TRIM67: variants seen among roughly 807,000 people sequenced by gnomAD.
The protein encoded by TRIM67 is tripartite motif containing 67.
TRIM67 carries 39 observed loss-of-function variants against 71.0 expected under a neutral mutation model. That is an observed-to-expected ratio of 0.55 (90% CI 0.43 to 0.72). The LOEUF is 0.72. Among genes scored for constraint, TRIM67 ranks in the 30% least tolerant of loss-of-function variants. The pLI is 0.00. For missense variants in TRIM67, 973 were observed against 1,079.2 expected, an observed-to-expected ratio of 0.90 and a Z score of 1.38; for synonymous variants, 481 against 473.9, an observed-to-expected ratio of 1.01 and a Z score of -0.19.
intron 7 of TRIM67, among the ~76,000 whole-genome samples, chr1:231,207,632 T>C (rs934983884): frequency 6.6e-6 from 1 of 152,138 alleles, no homozygotes; most frequent in Non-Finnish European, 1.5e-5. Flanking sequence ...AGCTGGATGG[T>C]CTCCTAGAGG....
chr1:231,210,683 A>G (rs953069364), intron 8 of TRIM67, among the ~76,000 whole-genome samples: 2 of 151,826 alleles, frequency 1.3e-5, no homozygotes, highest in African/African-American at 2.4e-5. Context: ...GAAGCACTCG[A>G]TGTATCTGAG....
chr1:231,199,894 T>C (rs1182093345), intron 3 of TRIM67, among the ~76,000 whole-genome samples: 1 of 152,240 alleles, frequency 6.6e-6, no homozygotes, highest in Non-Finnish European at 1.5e-5. Flanking sequence ...TTTCTCTGCA[T>C]GACTATCATG....
intron 5 of TRIM67, among the ~76,000 whole-genome samples, chr1:231,203,126 C>T (rs1201874312): frequency 4.0e-5 from 6 of 151,882 alleles, no homozygotes; most frequent in African/African-American, 1.5e-4. Flanking sequence ...TTTAACAAAA[C>T]CAGTGTTTCA....
intron 1 of TRIM67, chr1:231,184,261 G>T (rs765440380): frequency 6.6e-6 from 1 of 150,808 alleles, no homozygotes; most frequent in Non-Finnish European, 1.5e-5. Flanking sequence ...GCATCTGAGG[G>T]ATGCAAGCTT....
chr1:231,201,574 C>T (rs1683524896), intron 5 of TRIM67, 57 bp downstream of exon 5: 1 of 1,574,128 alleles, frequency 6.4e-7, no homozygotes, highest in East Asian at 2.3e-5. Flanking sequence ...GGCATGCAGT[C>T]TGAGGGGCCA....
rs774064554 is a variant in TRIM67, at chr1:231,208,930, A to G, written c.1820-17A>G. Reference sequence around the variant, plus strand: ...TCCATCCCCTGACCCTGCTCCTCTCACCTCCTCCCTTTTTAGTGGCCTGGT... The same window carrying G: ...TCCATCCCCTGACCCTGCTCCTCTCGCCTCCTCCCTTTTTAGTGGCCTGGT... On this transcript the variant is annotated splice_polypyrimidine_tract_variant and intron_variant, in intron 7 of 9. Coordinates refer to ENST00000366653, the MANE Select transcript of TRIM67 (RefSeq NM_001004342.5). The G allele has an allele frequency of 8.4e-6, 13 of 1,555,808 alleles. 1 individual carries two copies. In the South Asian group the frequency reaches 1.3e-4, roughly 16 times the overall value.
intron 1 of TRIM67, among the ~76,000 whole-genome samples, chr1:231,186,649 G>A (rs1316488477): frequency 6.6e-6 from 1 of 151,998 alleles, no homozygotes; most frequent in African/African-American, 2.4e-5. Context: ...GCTGGATTAG[G>A]GCCCACCCTA....
chr1:231,198,974 G>C, intron 2 of TRIM67, 73 bp from the exon 3 acceptor site: 3 of 1,607,308 alleles, frequency 1.9e-6, no homozygotes, highest in Non-Finnish European at 2.6e-6. Flanking sequence ...TTTGTCTATA[G>C]CACTCACCAG....
At position 231,208,368 on chromosome 1, in the gene TRIM67, G is replaced by C. The variant is rs368621137; in HGVS notation, c.1820-579G>C. ...TTTTTGTATTTTTAGTAGAGACAGG[G>C]TTTCACTGTGTTAGCCAGGATGGTC... is the stretch of plus-strand genomic sequence containing the variant. On this transcript the variant is annotated intron_variant, in intron 7 of 9. Transcript: ENST00000366653. Among the ~76,000 whole-genome samples, 6 of 152,168 alleles carry C rather than the reference G, an allele frequency of 3.9e-5. No individual in the cohort carries two copies. In the East Asian group the frequency reaches 1.2e-3, roughly 29 times the overall value.
rs150772998 is a variant in TRIM67 at position 231,178,551 on chromosome 1, C to T, written c.1044+14538C>T. Among the ~76,000 whole-genome samples the T allele has an allele frequency of 2.2e-4, 33 of 152,288 alleles. No homozygotes were observed. In the East Asian group the frequency reaches 2.3e-3, roughly 11 times the overall value. On this transcript the variant is annotated intron_variant, in intron 1 of 9. Coordinates refer to ENST00000366653, the MANE Select transcript of TRIM67 (RefSeq NM_001004342.5). ...GCTGGGCACAAAACAATCTTAGTGACGGTGTCCTCTTGGGGTAGGGCTAAG... is the reference window on the plus strand; with the variant it reads ...GCTGGGCACAAAACAATCTTAGTGATGGTGTCCTCTTGGGGTAGGGCTAAG...
chr1:231,191,616 A>T (rs1020527787), intron 1 of TRIM67, among the ~76,000 whole-genome samples: 4 of 152,034 alleles, frequency 2.6e-5, no homozygotes, highest in African/African-American at 9.7e-5. Flanking sequence ...AGTGTGACTA[A>T]ATGTGAACCA....
At chr1:231,171,800 T>G (rs545710239) in intron 1 of TRIM67, among the ~76,000 whole-genome samples, 1 of 152,254 alleles carries the variant, frequency 6.6e-6, no homozygotes, top group East Asian at 1.9e-4. Context: ...GAAATGATTT[T>G]GCAAAAAAAC....
rs1402091089 is a variant in TRIM67 at position 231,209,285 on chromosome 1, C to T, written c.2123+35C>T. 1 of 1,506,372 alleles carries T rather than the reference C, an allele frequency of 6.6e-7. No homozygotes were observed. The highest frequency in any genetic ancestry group is 2.2e-5 in the Admixed American group (1 of 46,450). The allele number at this position is 1,506,372 out of a possible 1,614,324, so 93.3% of individuals were successfully genotyped here. The stretch of plus-strand genomic sequence containing the variant: ...GGCCCCATCCTGCCTCCCGTGGACA[C>T]AGGTTGTTTGGGAATGAGGGTCCTG... On this transcript the variant is annotated intron_variant, in intron 8 of 9. Coordinates refer to ENST00000366653, the MANE Select transcript of TRIM67 (RefSeq NM_001004342.5). The surrounding 1 kb of genome is among the most constrained non-coding windows in gnomAD (Gnocchi z 4.1).
intron 7 of TRIM67, among the ~76,000 whole-genome samples, 184 bp downstream of exon 7, chr1:231,206,974 C>T (rs1260837256): frequency 6.6e-6 from 1 of 152,092 alleles, no homozygotes; most frequent in Non-Finnish European, 1.5e-5. Context: ...CAAAGATTGA[C>T]TCCTAGGGCC....
At chr1:231,178,764 A>G (rs1435850821) in intron 1 of TRIM67, among the ~76,000 whole-genome samples, 4 of 152,236 alleles carry the variant, frequency 2.6e-5, no homozygotes, top group Non-Finnish European at 5.9e-5. Flanking sequence ...ATTTGGAACT[A>G]TACGTCTTTG....
chr1:231,213,207 T>G (rs1683920755), intron 8 of TRIM67, among the ~76,000 whole-genome samples: 1 of 152,140 alleles, frequency 6.6e-6, no homozygotes, highest in African/African-American at 2.4e-5. Flanking sequence ...GCTCCACAGT[T>G]TCAAATGGGA....
chr1:231,189,634 T>G (rs1558298412), intron 1 of TRIM67, among the ~76,000 whole-genome samples: 1 of 152,100 alleles, frequency 6.6e-6, no homozygotes, highest in Non-Finnish European at 1.5e-5. Context: ...CCTAGCAGAT[T>G]TGGTGCCTGG....
Position 231,201,428 on chromosome 1 carries a change from A to G in TRIM67, c.1445A>G (p.Lys482Arg), listed in dbSNP as rs561205860. ...TGGGTCAAAGGCGCCCTGGAGCCGA[A>G]AGTGTCTGCGGAGTTTGATCTGACT... The part of the protein sequence containing the change: ...EQWVKGALEP[K>R]VSAEFDLTLD... The change falls in exon 5 of 10, where the codon AAA becomes AGA. Residue 482 changes from lysine (K) to arginine (R), a missense_variant. Lys to Arg is a conservative substitution (Grantham distance 26). Transcript: ENST00000366653. The G allele has an allele frequency of 1.3e-5, 21 of 1,613,686 alleles. No individual in the cohort carries two copies. In the African/African-American group the frequency reaches 1.5e-4, roughly 11 times the overall value.
chr1:231,185,934 G>C (rs1251670652), intron 1 of TRIM67: 2 of 662,592 alleles, frequency 3.0e-6, no homozygotes, highest in African/African-American at 3.6e-5. Context: ...GGAGATGAGT[G>C]TGATAAACGG....
Sources: allele counts gnomAD v4.1 joint callset (sites outside exome capture counted in the v4.1 genomes callset), GRCh38; gene constraint gnomAD v4.1.1; non-coding constraint Gnocchi (gnomAD v3.1); transcripts MANE v1.5; gene names NCBI Gene and HGNC (gene_info 2026-07-23, HGNC 2026-07-21).